UBR1: variants seen among roughly 807,000 people sequenced by gnomAD.
UBR1 encodes the protein ubiquitin protein ligase E3 component n-recognin 1, also known as E3 ubiquitin-protein ligase UBR1.
A neutral mutation model predicts 242.1 loss-of-function variants in UBR1; 102 were observed. The observed-to-expected ratio is 0.42, with a 90% CI of 0.36 to 0.50. The LOEUF is 0.50. Ranked by LOEUF, UBR1 falls within the 20% of genes least tolerant of loss-of-function variation. UBR1 has a pLI of 0.01. For missense variants in UBR1, 1,772 were observed against 2,101.8 expected, an observed-to-expected ratio of 0.84 and a Z score of 3.07; for synonymous variants, 675 against 684.8, an observed-to-expected ratio of 0.99 and a Z score of 0.22.
At chr15:43,082,550 T>G in intron 3 of UBR1, 88 bp downstream of exon 3, 1 of 978,290 alleles carries the variant, frequency 1.0e-6, no homozygotes, top group Non-Finnish European at 1.6e-6. Flanking sequence ...AGAGCTGTTA[T>G]AGCAGGAATG....
chr15:42,970,191 A>T (rs1259966002), intron 40 of UBR1, among the ~76,000 whole-genome samples: 1 of 152,158 alleles, frequency 6.6e-6, no homozygotes, highest in Admixed American at 6.5e-5. Flanking sequence ...ATAACACCAC[A>T]CATCTACAAC....
chr15:43,043,226 C>T lies in UBR1; in HGVS notation c.1838G>A (p.Arg613Lys). Reference sequence around the variant, plus strand: ...AAACAAACACTCACCAGCAAGGGTCCTAGAGAGTGGCAGATGTATGCTTAC... The same window carrying T: ...AAACAAACACTCACCAGCAAGGGTCTTAGAGAGTGGCAGATGTATGCTTAC... ...DLVSIHLPLS[R>K]TLAGLHVRLS... Residue 613 changes from arginine (R) to lysine (K), a missense_variant, in exon 15 of 47, where the codon AGG (arginine) becomes AAG (lysine). Physicochemically the swap from Arg to Lys is conservative, Grantham distance 26. This residue lies in a region of UBR1 where 734 missense variants were observed against 893.3 expected (regional missense o/e 0.82). Coordinates refer to ENST00000290650, the MANE Select transcript of UBR1 (RefSeq NM_174916.3). 1 of 1,614,070 alleles carries T rather than the reference C, an allele frequency of 6.2e-7. No homozygotes were observed. The highest frequency in any genetic ancestry group is 1.1e-5 in the South Asian group (1 of 91,082).
Position 42,958,099 on chromosome 15 carries a change from T to A in UBR1, c.4758-9A>T, listed in dbSNP as rs1022551282. On this transcript the variant is annotated splice_polypyrimidine_tract_variant and intron_variant, in intron 43 of 46. Transcript: ENST00000290650. ...TTCTTTTTCTAGGGTACCTACAATG[T>A]AATTTAAAAGGCAATTTTATTTTAG... 1 of 1,607,100 alleles carries A rather than the reference T, an allele frequency of 6.2e-7. No homozygotes were observed. Among genetic ancestry groups the A allele is most frequent in the African/African-American group, 1.3e-5 (1 of 74,896 alleles).
intron 42 of UBR1, 137 bp downstream of exon 42, chr15:42,963,798 G>A (rs2032060856): frequency 3.0e-6 from 2 of 667,202 alleles, no homozygotes; most frequent in African/African-American, 3.6e-5. Flanking sequence ...CTTCTTAAGT[G>A]TGTAACTTAG....
intron 26 of UBR1, 105 bp from the exon 27 acceptor site, chr15:43,021,480 G>A: frequency 1.1e-6 from 1 of 951,270 alleles, no homozygotes; most frequent in Non-Finnish European, 1.7e-6. Flanking sequence ...GTCCACTAAT[G>A]CTCAATTCCC....
chr15:43,015,941 A>G (rs1337122689), intron 28 of UBR1, 72 bp from the exon 29 acceptor site: 16 of 1,418,560 alleles, frequency 1.1e-5, no homozygotes, highest in Non-Finnish European at 1.6e-5. Context: ...TTGGATGGCA[A>G]AATTCCTTAG....
At chr15:42,972,757 G>A (rs924819976) in intron 39 of UBR1, among the ~76,000 whole-genome samples, 1 of 152,214 alleles carries the variant, frequency 6.6e-6, no homozygotes, top group Non-Finnish European at 1.5e-5. Flanking sequence ...ATTGAAGGAT[G>A]TCTTGGTTGC....
chr15:43,079,654 C>T (rs558863549), intron 3 of UBR1, among the ~76,000 whole-genome samples: 27 of 152,120 alleles, frequency 1.8e-4, no homozygotes, highest in African/African-American at 6.0e-4. Flanking sequence ...TGGTGGTGGG[C>T]GCCTGTAGTC....
At chr15:42,998,885 C>T (rs1044713281) in intron 32 of UBR1, among the ~76,000 whole-genome samples, 1 of 150,552 alleles carries the variant, frequency 6.6e-6, no homozygotes, top group African/African-American at 2.4e-5. Context: ...TCCATGTTGC[C>T]TTCTTGTTGT....
intron 9 of UBR1, 76 bp from the exon 10 acceptor site, chr15:43,058,505 G>C (rs938561952): frequency 3.1e-5 from 29 of 923,952 alleles, no homozygotes; most frequent in African/African-American, 9.9e-5. Flanking sequence ...CTGGCTATTA[G>C]AGTGGCAGAA....
chr15:43,063,291 G>C (rs2033710444), intron 6 of UBR1, among the ~76,000 whole-genome samples: 1 of 152,126 alleles, frequency 6.6e-6, no homozygotes, highest in Non-Finnish European at 1.5e-5. Flanking sequence ...GGGAGACACA[G>C]ATCTTTCCGT....
At chr15:43,027,955 A>G (rs2033198931) in intron 21 of UBR1, 127 bp from the exon 22 acceptor site, 2 of 849,992 alleles carry the variant, frequency 2.4e-6, no homozygotes, top group Admixed American at 4.6e-5. Flanking sequence ...ATCAATTTCC[A>G]CTATTAAAAA....
intron 1 of UBR1, among the ~76,000 whole-genome samples, chr15:43,091,482 A>G (rs2034104891): frequency 6.6e-6 from 1 of 152,252 alleles, no homozygotes; most frequent in African/African-American, 2.4e-5. Flanking sequence ...AAACAAAACA[A>G]TAAAGTTTTG....
Position 43,037,881 on chromosome 15 carries a change from C to G in UBR1, c.1914G>C (p.Glu638Asp). ...CCACTAGTACCTCTACTTGAAAGTC[C>G]TCCTGAAATAGAGTGAGTTCAATTT... is the stretch of plus-strand genomic sequence containing the variant. The part of the protein sequence containing the change: ...VSRLHEFVSF[E>D]DFQVEVLVEY... The change falls in exon 17 of 47, where the codon GAG becomes GAC. Residue 638 changes from glutamate to aspartate, a missense_variant and splice_region_variant. By Grantham distance (45) the Glu-to-Asp change is conservative (BLOSUM62 2). Around this residue, in one of 3 missense-constraint regions of UBR1, gnomAD observed 734 missense variants for 893.3 expected, o/e 0.82. Coordinates refer to ENST00000290650, the MANE Select transcript of UBR1 (RefSeq NM_174916.3). 1.2e-6 allele frequency: 2 copies of G among 1,612,792 alleles called. No individual in the cohort carries two copies. Among genetic ancestry groups the G allele is most frequent in the East Asian group, 4.5e-5 (2 of 44,842 alleles).
chr15:43,061,727 A>G (rs573843228), intron 6 of UBR1, among the ~76,000 whole-genome samples: 1 of 137,296 alleles, frequency 7.3e-6, no homozygotes, highest in East Asian at 2.5e-4. Flanking sequence ...CAAACATTAT[A>G]TGTTCTCACT....
intron 13 of UBR1, among the ~76,000 whole-genome samples, chr15:43,047,786 C>T (rs545873874): frequency 3.3e-5 from 5 of 152,214 alleles, no homozygotes; most frequent in African/African-American, 1.2e-4. Context: ...GCAAGTAACC[C>T]TTACATGTAA....
intron 6 of UBR1, among the ~76,000 whole-genome samples, chr15:43,067,310 C>G (rs1037585019): frequency 2.0e-5 from 3 of 152,030 alleles, no homozygotes; most frequent in African/African-American, 4.8e-5. Context: ...AGTTAACCAC[C>G]TATTCTAATT....
At chr15:43,036,320 T>C (rs1297263161) in intron 18 of UBR1, 41 bp from the exon 19 acceptor site, 24 of 1,553,640 alleles carry the variant, frequency 1.5e-5, no homozygotes, top group African/African-American at 2.7e-5. Context: ...CTGTATTATA[T>C]GGAGAAACAT....
At chr15:43,063,716 GC>G (rs1159254751) in intron 6 of UBR1, among the ~76,000 whole-genome samples, 2 of 6,714 alleles carry the variant, frequency 3.0e-4, no homozygotes, top group Non-Finnish European at 1.1e-3. Context: ...CAGAATGCCT[GC>G]CTTTTTTTTT....
Sources: gnomAD v4.1 joint callset for allele counts (sites outside exome capture counted in the v4.1 genomes callset) on GRCh38, gnomAD v4.1.1 for gene constraint, gnomAD v4.1.1 regional missense constraint, MANE v1.5 for transcripts, NCBI Gene and HGNC (gene_info 2026-07-23, HGNC 2026-07-21) for gene names.